Variants in RSRC1 observed in about 807,000 individuals in gnomAD.
RSRC1 encodes the protein serine/Arginine-related protein 53.
Under a neutral mutation model 49.1 loss-of-function variants are expected in RSRC1, and 39 were observed. The ratio of observed to expected loss-of-function variants is 0.79; its 90% CI spans 0.61 to 1.04. The LOEUF (loss-of-function observed/expected upper bound fraction) is 1.04. RSRC1 is among the 50% of genes least tolerant of loss of function. RSRC1 has a pLI of 0.00. For synonymous variants in RSRC1, 143 were observed against 130.8 expected (o/e 1.09, Z -0.63); for missense variants, 388 against 402.4 (o/e 0.96, Z 0.31).
intron 5 of RSRC1, among the ~76,000 whole-genome samples, chr3:158,330,028 C>G (rs543766022): frequency 3.3e-5 from 5 of 152,208 alleles, no homozygotes; most frequent in African/African-American, 1.2e-4. Context: ...TTGGACCCTC[C>G]GAGCCAGGCG....
At chr3:158,532,024 A>AT (rs890549518) in intron 7 of RSRC1, among the ~76,000 whole-genome samples, 2 of 151,886 alleles carry the variant, frequency 1.3e-5, no homozygotes, top group Admixed American at 6.6e-5. Context: ...ATAAGAAGGA[A>AT]TTTTTTTAAT....
chr3:158,467,650 C>G (rs977733803), intron 7 of RSRC1, among the ~76,000 whole-genome samples: 3 of 152,092 alleles, frequency 2.0e-5, no homozygotes, highest in Admixed American at 6.6e-5. Context: ...GGCAAATGAA[C>G]CTGAAATGGT....
At chr3:158,327,780 A>G (rs1430534927) in intron 5 of RSRC1, among the ~76,000 whole-genome samples, 7 of 151,948 alleles carry the variant, frequency 4.6e-5, no homozygotes, top group Non-Finnish European at 7.4e-5. Flanking sequence ...CAATTCCTGG[A>G]TATCCTTGTT....
chr3:158,495,078 T>G (rs764686128), intron 7 of RSRC1, among the ~76,000 whole-genome samples: 7 of 152,202 alleles, frequency 4.6e-5, no homozygotes, highest in African/African-American at 1.2e-4. Flanking sequence ...ATGAGTTATG[T>G]GTTGTGCCAC....
rs1178622283 is a variant in RSRC1, at chr3:158,518,144, ATATATT to A, written c.653-18946_653-18941del. On this transcript the variant is annotated intron_variant, in intron 7 of 9. Transcript: ENST00000611884. ...TGTGTGTGTATATATATATATATAT[ATATATT>A]TTTTTTTTTTTTTTTTTTACTCCCA... 1.0e-3 allele frequency among the ~76,000 whole-genome samples: 73 copies of A among 70,934 alleles called. 1 individual carries two copies. Among genetic ancestry groups the A allele is most frequent in the Middle Eastern group, 7.1e-3 (1 of 140 alleles). The allele number at this position is 70,934 out of a possible 152,430, so 46.5% of individuals were successfully genotyped here.
intron 7 of RSRC1, among the ~76,000 whole-genome samples, chr3:158,514,480 G>C (rs1740383440): frequency 6.6e-6 from 1 of 152,208 alleles, no homozygotes; most frequent in Non-Finnish European, 1.5e-5. Flanking sequence ...TGGTCTGAGA[G>C]ATAGTTTGTT....
intron 5 of RSRC1, among the ~76,000 whole-genome samples, chr3:158,320,142 G>A (rs1728682125): frequency 6.6e-6 from 1 of 152,148 alleles, no homozygotes; most frequent in African/African-American, 2.4e-5. Flanking sequence ...CAATCACTCA[G>A]GAGCCTAAGA....
At chr3:158,407,157 AGTTT>A (rs1053177104) in intron 6 of RSRC1, among the ~76,000 whole-genome samples, 36 of 152,228 alleles carry the variant, frequency 2.4e-4, no homozygotes, top group Middle Eastern at 3.4e-3. Context: ...TGATCCTTAC[AGTTT>A]GTTTTAAAGC....
At chr3:158,243,060 C>A (rs1016207936) in intron 4 of RSRC1, among the ~76,000 whole-genome samples, 1 of 152,130 alleles carries the variant, frequency 6.6e-6, no homozygotes, top group African/African-American at 2.4e-5. Flanking sequence ...TTATCAGATT[C>A]CCTATGTCAA....
intron 5 of RSRC1, among the ~76,000 whole-genome samples, chr3:158,346,222 A>C (rs1447642572): frequency 6.6e-6 from 1 of 152,100 alleles, no homozygotes; most frequent in Non-Finnish European, 1.5e-5. Flanking sequence ...CAAGGCAGGC[A>C]GATCCCTAGA....
rs556570603 is a variant in RSRC1 at position 158,279,995 on chromosome 3, T to C, written c.495-18044T>C. ...TACCATGGTATCAGTAGAGGTAGTA[T>C]GCAGGCACTGACCACCAGCGCCTCT... On this transcript the variant is annotated intron_variant, in intron 4 of 9. Coordinates refer to ENST00000611884, the MANE Select transcript of RSRC1 (RefSeq NM_001271838.2). Among the ~76,000 whole-genome samples, 10 of 152,318 alleles carry C rather than the reference T, an allele frequency of 6.6e-5. No individual in the cohort carries two copies. In the East Asian group the frequency reaches 1.7e-3, roughly 26 times the overall value.
chr3:158,432,597 T>A (rs1421749232), intron 6 of RSRC1, among the ~76,000 whole-genome samples: 1 of 151,988 alleles, frequency 6.6e-6, no homozygotes, highest in Non-Finnish European at 1.5e-5. Flanking sequence ...GTTTAATATT[T>A]AACTCATTTT....
Position 158,543,400 on chromosome 3 carries a change from T to C in RSRC1, c.825T>C (p.Asp275=), listed in dbSNP as rs746833278. 5.6e-6 allele frequency: 9 copies of C among 1,602,098 alleles called. No individual in the cohort carries two copies. Among genetic ancestry groups the C allele is most frequent in the African/African-American group, 1.3e-5 (1 of 74,210 alleles). The change falls in exon 9 of 10, where the codon GAT becomes GAC. Residue 275 remains aspartate (D), a synonymous_variant. Transcript: ENST00000611884. Reference sequence around the variant, plus strand: ...CAGGACCAGCATCAGCAGTTGCTGATCCACCCAGTACTGAAAAAGAAATAG... The same window carrying C: ...CAGGACCAGCATCAGCAGTTGCTGACCCACCCAGTACTGAAAAAGAAATAG... The part of the protein sequence containing the change: ...STSGPASAVA[D]PPSTEKEIDP...
chr3:158,307,681 A>G (rs1049192011), intron 5 of RSRC1, among the ~76,000 whole-genome samples: 2 of 151,896 alleles, frequency 1.3e-5, no homozygotes, highest in African/African-American at 4.8e-5. Context: ...CTTTCAAGCA[A>G]TGTAATTTCA....
chr3:158,447,330 G>A (rs1241955937), intron 6 of RSRC1, among the ~76,000 whole-genome samples: 1 of 151,940 alleles, frequency 6.6e-6, no homozygotes, highest in Non-Finnish European at 1.5e-5. Flanking sequence ...ATTCCTGAAA[G>A]AAAAGTCAAC....
intron 3 of RSRC1, among the ~76,000 whole-genome samples, chr3:158,129,284 C>CATTCTTTTTTTTTTTT (rs1715834132): frequency 1.0e-5 from 1 of 99,946 alleles, no homozygotes; most frequent in African/African-American, 4.3e-5. Context: ...ACATTTCTTT[C>CATTCTTTTTTTTTTTT]TTTCTTTTTT....
chr3:158,296,171 C>G (rs1478359896), intron 4 of RSRC1, among the ~76,000 whole-genome samples: 2 of 151,944 alleles, frequency 1.3e-5, no homozygotes, highest in African/African-American at 4.8e-5. Context: ...CTAATAAGAA[C>G]CATTTTGTGA....
At chr3:158,165,236 G>A (rs530376195) in intron 3 of RSRC1, among the ~76,000 whole-genome samples, 2 of 152,290 alleles carry the variant, frequency 1.3e-5, no homozygotes, top group South Asian at 2.1e-4. Flanking sequence ...ATTAATGGAG[G>A]ATTAATTACT....
intron 6 of RSRC1, among the ~76,000 whole-genome samples, chr3:158,450,535 TA>T (rs1736969411): frequency 6.6e-6 from 1 of 152,034 alleles, no homozygotes; most frequent in African/African-American, 2.4e-5. Context: ...TTTAATGGTA[TA>T]AATTGGTGAG....
Sources: gnomAD v4.1 joint callset for allele counts (sites outside exome capture counted in the v4.1 genomes callset) on GRCh38, gnomAD v4.1.1 for gene constraint, MANE v1.5 for transcripts, NCBI Gene and HGNC (gene_info 2026-07-23, HGNC 2026-07-21) for gene names.